Variants in SYN3 observed in about 807,000 individuals in gnomAD.
The protein encoded by SYN3 is synapsin III.
In SYN3, 35 loss-of-function variants were observed where a neutral mutation model predicts 65.8. The observed-to-expected ratio is 0.53, with a 90% CI of 0.41 to 0.70. The LOEUF (loss-of-function observed/expected upper bound fraction) is 0.70. Ranked by LOEUF, SYN3 falls within the 30% of genes least tolerant of loss-of-function variation. The pLI is 0.00. For missense variants in SYN3, 680 were observed against 749.0 expected (o/e 0.91, Z 1.08); for synonymous variants, 270 against 292.9 (o/e 0.92, Z 0.80).
At chr22:32,516,159 G>C (rs181037657) in intron 13 of SYN3, among the ~76,000 whole-genome samples, 1 of 152,116 alleles carries the variant, frequency 6.6e-6, no homozygotes, top group African/African-American at 2.4e-5. Flanking sequence ...GAATACTCCT[G>C]TGTGTGTGAG....
intron 6 of SYN3, among the ~76,000 whole-genome samples, chr22:32,686,349 G>A (rs1458527490): frequency 6.6e-6 from 1 of 151,968 alleles, no homozygotes; most frequent in Non-Finnish European, 1.5e-5. Context: ...TCGCCATGTG[G>A]GGATCTGACG....
At chr22:32,754,738 C>T (rs988760424) in intron 6 of SYN3, among the ~76,000 whole-genome samples, 7 of 152,226 alleles carry the variant, frequency 4.6e-5, no homozygotes, top group East Asian at 1.9e-4. Context: ...TTTGCTCCTT[C>T]GGCACTTGCT....
At chr22:32,830,179 C>T (rs148416735) in intron 6 of SYN3, among the ~76,000 whole-genome samples, 124 of 152,266 alleles carry the variant, frequency 8.1e-4, no homozygotes, top group African/African-American at 2.8e-3. Flanking sequence ...GGAACCCCTT[C>T]GTCCTTTTTC....
intron 4 of SYN3, among the ~76,000 whole-genome samples, chr22:32,879,177 C>T (rs1406378365): frequency 6.6e-6 from 1 of 152,150 alleles, no homozygotes; most frequent in African/African-American, 2.4e-5. Flanking sequence ...TTAAGATCTG[C>T]CTGAGCATCA....
chr22:32,855,302 T>A (rs761862858), intron 6 of SYN3, among the ~76,000 whole-genome samples: 2 of 152,168 alleles, frequency 1.3e-5, no homozygotes, highest in African/African-American at 2.4e-5. Flanking sequence ...TCAGCTTCTG[T>A]TACATTCATT....
intron 3 of SYN3, among the ~76,000 whole-genome samples, chr22:32,962,247 T>C (rs2051678832): frequency 6.7e-6 from 1 of 149,228 alleles, no homozygotes; most frequent in African/African-American, 2.5e-5. Context: ...GCAATTCTCC[T>C]GCCTCAGCCT....
At chr22:32,710,973 T>A (rs1393229946) in intron 6 of SYN3, among the ~76,000 whole-genome samples, 1 of 152,204 alleles carries the variant, frequency 6.6e-6, no homozygotes, top group Admixed American at 6.5e-5. Context: ...CCTTTCTCTA[T>A]ACCCTGCCTA....
At chr22:32,768,909 A>T (rs1247570291) in intron 6 of SYN3, among the ~76,000 whole-genome samples, 2 of 152,318 alleles carry the variant, frequency 1.3e-5, no homozygotes, top group African/African-American at 4.8e-5. Context: ...AGCTCTCAGC[A>T]CCACATCTAC....
intron 3 of SYN3, among the ~76,000 whole-genome samples, chr22:32,946,914 T>C (rs986522133): frequency 6.6e-6 from 1 of 152,182 alleles, no homozygotes; most frequent in African/African-American, 2.4e-5. Flanking sequence ...GACAGAGCTC[T>C]TGGTATTTTG....
At chr22:32,966,244 G>A (rs919613865) in intron 3 of SYN3, among the ~76,000 whole-genome samples, 1 of 152,174 alleles carries the variant, frequency 6.6e-6, no homozygotes, top group African/African-American at 2.4e-5. Context: ...GAGGGCAGAG[G>A]AAGCAGCACA....
intron 6 of SYN3, chr22:32,857,404 C>T: frequency 3.4e-6 from 5 of 1,457,624 alleles, no homozygotes; most frequent in Non-Finnish European, 3.9e-6. Flanking sequence ...TGGCCAAGGT[C>T]CACTGTTTCT....
intron 6 of SYN3, among the ~76,000 whole-genome samples, chr22:32,853,174 C>T (rs1271186317): frequency 2.0e-5 from 3 of 152,206 alleles, no homozygotes; most frequent in Admixed American, 6.5e-5. Flanking sequence ...CCACAGGGAA[C>T]CATTCTTCTT....
intron 7 of SYN3, among the ~76,000 whole-genome samples, chr22:32,569,680 T>C (rs1476465705): frequency 6.6e-6 from 1 of 151,938 alleles, no homozygotes; most frequent in Non-Finnish European, 1.5e-5. Context: ...AGGTATGGCT[T>C]TGAGCATGGT....
intron 2 of SYN3, among the ~76,000 whole-genome samples, chr22:32,989,856 G>GAAAAA (rs1569383699): frequency 7.0e-6 from 1 of 142,384 alleles, no homozygotes. Context: ...AAAAAAAAAG[G>GAAAAA]CATCAAACAC....
intron 6 of SYN3, among the ~76,000 whole-genome samples, chr22:32,835,113 T>C (rs1450103949): frequency 6.6e-6 from 1 of 152,254 alleles, no homozygotes; most frequent in East Asian, 1.9e-4. Flanking sequence ...AGTCAGTTCA[T>C]GCAGCGGAAT....
chr22:32,667,295 C>G (rs2060301913), intron 6 of SYN3, among the ~76,000 whole-genome samples: 1 of 152,046 alleles, frequency 6.6e-6, no homozygotes, highest in Non-Finnish European at 1.5e-5. Flanking sequence ...TCCTTCCCTC[C>G]CTCCCTTTTC....
intron 6 of SYN3, among the ~76,000 whole-genome samples, chr22:32,836,617 C>T (rs1222826679): frequency 6.6e-6 from 1 of 152,134 alleles, no homozygotes; most frequent in South Asian, 2.1e-4. Flanking sequence ...TGTATGGGCT[C>T]GTTTTTCTCG....
chr22:32,772,521 CA>C (rs1195665174), intron 6 of SYN3, among the ~76,000 whole-genome samples: 1 of 152,004 alleles, frequency 6.6e-6, no homozygotes, highest in Non-Finnish European at 1.5e-5. Context: ...CGCCTCCCTC[CA>C]CCAATGATAT....
At chr22:32,574,346 G>T (rs1390264490) in intron 7 of SYN3, among the ~76,000 whole-genome samples, 1 of 152,038 alleles carries the variant, frequency 6.6e-6, no homozygotes, top group Admixed American at 6.5e-5. Context: ...ATGTTTGGTG[G>T]TGCACGCCAG....
Sources: allele counts gnomAD v4.1 joint callset (sites outside exome capture counted in the v4.1 genomes callset), GRCh38; gene constraint gnomAD v4.1.1; transcripts MANE v1.5; gene names NCBI Gene and HGNC (gene_info 2026-07-23, HGNC 2026-07-21).